ZNF207: variants seen among roughly 807,000 people sequenced by gnomAD.
ZNF207 encodes BUB3-interacting and GLEBS motif-containing protein ZNF207.
ZNF207 carries 24 observed loss-of-function variants against 60.2 expected under a neutral mutation model. The ratio of observed to expected loss-of-function variants is 0.40; its 90% CI spans 0.29 to 0.56. The LOEUF (loss-of-function observed/expected upper bound fraction) is 0.56, where lower values mean the gene tolerates loss of function less well. ZNF207 is among the 20% of genes least tolerant of loss of function. The pLI, the probability that ZNF207 is intolerant of heterozygous loss-of-function variation, is 0.49. For missense variants in ZNF207, 452 were observed against 636.6 expected (o/e 0.71, Z 3.12); for synonymous variants, 236 against 194.7 (o/e 1.21, Z -1.77).
At chr17:32,367,247 A>ATG (rs1404477765) in intron 9 of ZNF207, among the ~76,000 whole-genome samples, 1 of 75,644 alleles carries the variant, frequency 1.3e-5, no homozygotes, top group Non-Finnish European at 2.5e-5. Context: ...GATTATATAT[A>ATG]TATATATATA....
At chr17:32,369,042 T>C (rs1470638397) in intron 10 of ZNF207, 2 of 430,736 alleles carry the variant, frequency 4.6e-6, no homozygotes, top group Non-Finnish European at 4.1e-6. Context: ...CTTCATTAGA[T>C]AGTTTCTTGT....
In ZNF207 at chr17:32,380,513, C is replaced by G. The variant is rs923078091; in HGVS notation, c.*10754C>G. The G allele has an allele frequency of 6.6e-6, 1 of 152,044 alleles. No individual in the cohort carries two copies. Among genetic ancestry groups the G allele is most frequent in the Non-Finnish European group, 1.5e-5 (1 of 68,012 alleles). 9.4% of individuals were successfully genotyped at this position (152,044 alleles called of 1,614,324 possible). On this transcript the variant is annotated 3_prime_UTR_variant, in exon 12 of 12. Transcript: ENST00000394670. Reference sequence around the variant, plus strand: ...TATTTCAGTGTCCCTTTTTAAAACTCGATGATGGCTTTCAGTTTATTTAAG... The same window carrying G: ...TATTTCAGTGTCCCTTTTTAAAACTGGATGATGGCTTTCAGTTTATTTAAG...
intron 8 of ZNF207, 155 bp downstream of exon 8, chr17:32,365,642 C>A: frequency 1.8e-6 from 1 of 560,126 alleles, no homozygotes. Flanking sequence ...TATCCACTTC[C>A]ATGTTTACAC....
At chr17:32,357,547 C>G (rs1483862426) in intron 2 of ZNF207, among the ~76,000 whole-genome samples, 1 of 151,586 alleles carries the variant, frequency 6.6e-6, no homozygotes, top group East Asian at 1.9e-4. Flanking sequence ...TGGGGTTTCA[C>G]CATGTTGGTC....
In ZNF207 at chr17:32,372,518, G is replaced by T. The variant is rs1905518819; in HGVS notation, c.*2759G>T. The T allele has an allele frequency of 6.6e-6, 1 of 152,144 alleles. No individual in the cohort carries two copies. The highest frequency in any genetic ancestry group is 1.5e-5 in the Non-Finnish European group (1 of 68,022). The allele number at this position is 152,144 out of a possible 1,614,324, so 9.4% of individuals were successfully genotyped here. ...CTGTATAGGTCTGATGGGCAAAAAT[G>T]GAACTTTTAAATATGGGATAGAATT... On this transcript the variant is annotated 3_prime_UTR_variant, in exon 12 of 12. Coordinates refer to ENST00000394670, the MANE Select transcript of ZNF207 (RefSeq NM_001098507.2).
At chr17:32,362,849 GA>G in intron 6 of ZNF207, 64 bp from the exon 7 acceptor site, 1 of 1,452,084 alleles carries the variant, frequency 6.9e-7, no homozygotes, top group Non-Finnish European at 9.6e-7. Flanking sequence ...GCTTTAGCCA[GA>G]ATATTTTTTA....
rs139144187 is a variant in ZNF207, at chr17:32,369,063, T to G, written c.1165-232T>G. On this transcript the variant is annotated intron_variant, in intron 10 of 11. Coordinates refer to ENST00000394670, the MANE Select transcript of ZNF207 (RefSeq NM_001098507.2). ...TAGATAGTTTCTTGTTGAAGCAATT[T>G]GTAATTCCCGGAAAGTTGTTAGCCA... 697 of 475,692 alleles carry G rather than the reference T, an allele frequency of 1.5e-3. 4 individuals are homozygous for G. The highest frequency in any genetic ancestry group is 0.012 in the African/African-American group (642 of 51,430). The allele number at this position is 475,692 out of a possible 1,614,324, so 29.5% of individuals were successfully genotyped here. A position where few individuals can be genotyped will look rare whatever the true frequency, so the allele number is the denominator to read the frequency against.
chr17:32,361,098 C>G, intron 5 of ZNF207, 131 bp downstream of exon 5: 3 of 911,508 alleles, frequency 3.3e-6, no homozygotes, highest in Non-Finnish European at 5.0e-6. Flanking sequence ...TATATCTTGT[C>G]TAATAAAGGG....
In ZNF207 at chr17:32,367,815, C is replaced by A. The variant is rs767529937; in HGVS notation, c.965C>A (p.Pro322His). 3 of 1,614,080 alleles carry A rather than the reference C, an allele frequency of 1.9e-6. No individual in the cohort carries two copies. The highest frequency in any genetic ancestry group is 2.5e-6 in the Non-Finnish European group (3 of 1,180,002). Residue 322 changes from proline to histidine, a missense_variant, in exon 10 of 12, where the codon CCC becomes CAC. Physicochemically the swap from Pro to His is moderately conservative, Grantham distance 77 (BLOSUM62 -2). Transcript: ENST00000394670. ...VQGPVGTDFK[P>H]LNSTPATTTE... ...GGACCTGTTGGTACAGATTTCAAAC[C>A]CTTAAATAGTACCCCTGCAACAACT... is the stretch of plus-strand genomic sequence containing the variant.
chr17:32,363,044 A>G, intron 7 of ZNF207, 60 bp downstream of exon 7: 1 of 1,506,342 alleles, frequency 6.6e-7, no homozygotes, highest in Non-Finnish European at 9.1e-7. Flanking sequence ...AAGTTTTTTT[A>G]GACGTCTGTG....
rs757431428 is a variant in ZNF207 at position 32,363,021 on chromosome 17, A to G, written c.670+37A>G. Reference sequence around the variant, plus strand: ...ATAATTTCATTTTAATATGATGTACAGGCTTTATTTCTAAGTTTTTTTAGA... The same window carrying G: ...ATAATTTCATTTTAATATGATGTACGGGCTTTATTTCTAAGTTTTTTTAGA... On this transcript the variant is annotated intron_variant, in intron 7 of 11. Coordinates refer to ENST00000394670, the MANE Select transcript of ZNF207 (RefSeq NM_001098507.2). The G allele has an allele frequency of 1.9e-6, 3 of 1,573,918 alleles. No homozygotes were observed. In the African/African-American group the frequency reaches 4.1e-5, roughly 22 times the overall value.
Position 32,369,336 on chromosome 17 carries a change from T to C in ZNF207, c.1206T>C (p.Leu402=). The change falls in exon 11 of 12, where the codon CTT becomes CTC. Residue 402 remains leucine, a synonymous_variant. Transcript: ENST00000394670. ...AGTTACCTAAGTATCAACGTAATCT[T>C]CCTCGGCCAGGACAGGCCCCCATCG... ...RAQLPKYQRN[L]PRPGQAPIGN... is the part of the protein sequence containing the mutation. 6.2e-7 allele frequency: 1 copy of C among 1,614,128 alleles called. No homozygotes were observed. The highest frequency in any genetic ancestry group is 8.5e-7 in the Non-Finnish European group (1 of 1,180,010).
At chr17:32,357,591 C>T (rs944861658) in intron 2 of ZNF207, among the ~76,000 whole-genome samples, 2 of 151,904 alleles carry the variant, frequency 1.3e-5, no homozygotes, top group East Asian at 3.9e-4. Flanking sequence ...TCGTGATCCG[C>T]CCGCCTCGGC....
Position 32,373,526 on chromosome 17 carries a change from A to G in ZNF207, c.*3767A>G. 1 of 471,552 alleles carries G rather than the reference A, an allele frequency of 2.1e-6. No individual in the cohort carries two copies. The highest frequency in any genetic ancestry group is 3.8e-6 in the Non-Finnish European group (1 of 262,072). 29.2% of individuals were successfully genotyped at this position (471,552 alleles called of 1,614,324 possible). A position where few individuals can be genotyped will look rare whatever the true frequency, so the allele number is the denominator to read the frequency against. On this transcript the variant is annotated 3_prime_UTR_variant, in exon 12 of 12. Transcript: ENST00000394670. ...GGCTGTTGGATATTTATGTCCCCAA[A>G]CTTGCAGCAAGTTTGGTGAAGGCCC...
chr17:32,367,957 A>G lies in ZNF207; in HGVS notation c.1107A>G (p.Thr369=), dbSNP rs370059270. 1 of 1,614,094 alleles carries G rather than the reference A, an allele frequency of 6.2e-7. No homozygotes were observed. The highest frequency in any genetic ancestry group is 1.3e-5 in the African/African-American group (1 of 74,942). The change falls in exon 10 of 12, where the codon ACA becomes ACG. Residue 369 remains threonine, a synonymous_variant. Coordinates refer to ENST00000394670, the MANE Select transcript of ZNF207 (RefSeq NM_001098507.2). ...CTTCAATAACAAGTAAGCCTGCTACACTTACAACAACTAGTGCAACCAGTA... is the reference window on the plus strand; with the variant it reads ...CTTCAATAACAAGTAAGCCTGCTACGCTTACAACAACTAGTGCAACCAGTA... ...PAASITSKPA[T]LTTTSATSKL...
At chr17:32,360,113 C>T (rs1321061245) in intron 3 of ZNF207, among the ~76,000 whole-genome samples, 1 of 147,528 alleles carries the variant, frequency 6.8e-6, no homozygotes, top group Non-Finnish European at 1.5e-5. Flanking sequence ...CCTATAATTT[C>T]AGTGCTTTAG....
At chr17:32,369,557 G>A (rs758566951) in intron 11 of ZNF207, 42 bp from the exon 12 acceptor site, 17 of 1,571,162 alleles carry the variant, frequency 1.1e-5, no homozygotes, top group Middle Eastern at 1.7e-4. Context: ...AGTACAATGC[G>A]TTAACAATCT....
chr17:32,352,534 A>G (rs1276722783), intron 2 of ZNF207, among the ~76,000 whole-genome samples: 1 of 152,216 alleles, frequency 6.6e-6, no homozygotes, highest in Non-Finnish European at 1.5e-5. Context: ...GAGAACAAGG[A>G]TCAGCGATTT....
Position 32,369,438 on chromosome 17 carries a change from C to T in ZNF207, c.1308C>T (p.Pro436=), listed in dbSNP as rs1421984537. 2.5e-6 allele frequency: 4 copies of T among 1,614,102 alleles called. No individual in the cohort carries two copies. Among genetic ancestry groups the T allele is most frequent in the South Asian group, 2.2e-5 (2 of 91,070 alleles). The change falls in exon 11 of 12, where the codon CCC becomes CCT. Residue 436 remains proline (P), a synonymous_variant. Coordinates refer to ENST00000394670, the MANE Select transcript of ZNF207 (RefSeq NM_001098507.2). ...PGIPQQQGMR[P]PMPPHGQYGG... is the part of the protein sequence containing the mutation. Reference sequence around the variant, plus strand: ...TCCCACAGCAACAAGGAATGAGACCCCCAATGCCACCTCATGGTATTCCTC... The same window carrying T: ...TCCCACAGCAACAAGGAATGAGACCTCCAATGCCACCTCATGGTATTCCTC...
Sources: allele counts gnomAD v4.1 joint callset (sites outside exome capture counted in the v4.1 genomes callset), GRCh38; gene constraint gnomAD v4.1.1; transcripts MANE v1.5; gene names NCBI Gene and HGNC (gene_info 2026-07-23, HGNC 2026-07-21).